Variants in ANKFN1 observed in about 807,000 individuals in gnomAD.
The protein encoded by ANKFN1 is ankyrin repeat and fibronectin type-III domain-containing protein 1.
A neutral mutation model predicts 108.7 loss-of-function variants in ANKFN1; 74 were observed. The ratio of observed to expected loss-of-function variants is 0.68; its 90% CI spans 0.56 to 0.83. The LOEUF (loss-of-function observed/expected upper bound fraction) is 0.83, where lower values mean the gene tolerates loss of function less well. ANKFN1 is among the 40% of genes least tolerant of loss of function. ANKFN1 has a pLI of 0.00. For synonymous variants in ANKFN1, 547 were observed against 516.2 expected (o/e 1.06, Z -0.81); for missense variants, 1,505 against 1,382.3 (o/e 1.09, Z -1.41).
intron 3 of ANKFN1, among the ~76,000 whole-genome samples, chr17:56,256,035 T>C (rs1158755095): frequency 6.6e-6 from 1 of 152,046 alleles, no homozygotes; most frequent in Non-Finnish European, 1.5e-5. Flanking sequence ...ATAAATAAAA[T>C]ATAGAGATAG....
chr17:56,414,073 G>A (rs1419246159), intron 8 of ANKFN1, among the ~76,000 whole-genome samples: 1 of 152,208 alleles, frequency 6.6e-6, no homozygotes, highest in African/African-American at 2.4e-5. Context: ...TTGATGTGCT[G>A]CTGGATTCCA....
chr17:56,237,611 T>G (rs528674041), intron 3 of ANKFN1, among the ~76,000 whole-genome samples: 79 of 152,316 alleles, frequency 5.2e-4, no homozygotes, highest in Non-Finnish European at 1.0e-3. Context: ...TTTATTTCTC[T>G]GGGGTCAGTG....
chr17:56,197,477 T>C (rs1382708158), intron 1 of ANKFN1, among the ~76,000 whole-genome samples: 1 of 152,196 alleles, frequency 6.6e-6, no homozygotes, highest in Non-Finnish European at 1.5e-5. Flanking sequence ...GTGTCCCTAG[T>C]GTATTCCTTT....
chr17:56,291,225 C>A (rs1178763952), intron 3 of ANKFN1, among the ~76,000 whole-genome samples: 1 of 152,164 alleles, frequency 6.6e-6, no homozygotes, highest in African/African-American at 2.4e-5. Flanking sequence ...GATTCTAGGA[C>A]TATGTCTCTT....
At chr17:56,305,761 G>A (rs1181798803) in intron 3 of ANKFN1, among the ~76,000 whole-genome samples, 1 of 152,102 alleles carries the variant, frequency 6.6e-6, no homozygotes, top group Non-Finnish European at 1.5e-5. Flanking sequence ...TCTACAAGTG[G>A]TATCATTTTA....
chr17:56,433,068 T>A (rs2048812702), intron 8 of ANKFN1, among the ~76,000 whole-genome samples: 1 of 152,176 alleles, frequency 6.6e-6, no homozygotes, highest in African/African-American at 2.4e-5. Flanking sequence ...TGCATATAAG[T>A]CTATTGTAAA....
intron 3 of ANKFN1, among the ~76,000 whole-genome samples, chr17:56,300,097 T>C (rs1187460800): frequency 2.6e-5 from 4 of 152,244 alleles, no homozygotes; most frequent in Non-Finnish European, 5.9e-5. Flanking sequence ...CTCCGTGTTT[T>C]CACCCATGAA....
At chr17:56,392,935 T>C (rs2047480929) in intron 8 of ANKFN1, among the ~76,000 whole-genome samples, 1 of 152,162 alleles carries the variant, frequency 6.6e-6, no homozygotes, top group Admixed American at 6.5e-5. Context: ...TCCACTGATT[T>C]TAGCTCTGAC....
intron 3 of ANKFN1, among the ~76,000 whole-genome samples, chr17:56,240,470 AT>A (rs944823404): frequency 2.6e-5 from 4 of 152,080 alleles, no homozygotes; most frequent in African/African-American, 9.7e-5. Flanking sequence ...GTTGTTGCCA[AT>A]TTTTGCTATA....
At chr17:56,089,359 G>A (rs73325643) in intron 4 of ANKFN1, among the ~76,000 whole-genome samples, 21,016 of 151,078 alleles carry the variant, frequency 0.14, 4,249 homozygotes, top group African/African-American at 0.43. Context: ...ATAATACTGC[G>A]ATAAATACAC....
At chr17:56,102,324 A>C (rs755518341) in intron 4 of ANKFN1, among the ~76,000 whole-genome samples, 33 of 152,152 alleles carry the variant, frequency 2.2e-4, no homozygotes, top group Admixed American at 9.2e-4. Context: ...ATAATTGTCT[A>C]TACTAGACTA....
At chr17:56,436,976 A>G (rs2048951300) in intron 8 of ANKFN1, among the ~76,000 whole-genome samples, 1 of 152,220 alleles carries the variant, frequency 6.6e-6, no homozygotes, top group African/African-American at 2.4e-5. Context: ...CACCAACCCA[A>G]GGAAATACAC....
At chr17:56,485,042 G>A (rs1301925919) in intron 18 of ANKFN1, among the ~76,000 whole-genome samples, 1 of 152,100 alleles carries the variant, frequency 6.6e-6, no homozygotes, top group African/African-American at 2.4e-5. Flanking sequence ...CTATAATTTG[G>A]TGAAGTCTGT....
chr17:56,503,203 G>T (rs2051433309), intron 20 of ANKFN1, among the ~76,000 whole-genome samples: 1 of 151,926 alleles, frequency 6.6e-6, no homozygotes, highest in Non-Finnish European at 1.5e-5. Context: ...GGGGAGGGGG[G>T]TGTTGTTTCC....
At chr17:56,452,547 G>A (rs2049525312) in intron 11 of ANKFN1, among the ~76,000 whole-genome samples, 1 of 152,118 alleles carries the variant, frequency 6.6e-6, no homozygotes, top group African/African-American at 2.4e-5. Context: ...AGCAACCATA[G>A]GAGAGGGAAA....
intron 18 of ANKFN1, among the ~76,000 whole-genome samples, chr17:56,484,350 C>T (rs945687666): frequency 3.4e-5 from 5 of 145,304 alleles, no homozygotes; most frequent in East Asian, 2.0e-4. Context: ...AGGGTAGGAA[C>T]GAAAATAAGA....
At position 56,457,273 on chromosome 17, in the gene ANKFN1, G is replaced by A. The variant is rs10852985; in HGVS notation, c.1324G>A (p.Val442Ile). The change falls in exon 13 of 21, where the codon GTT becomes ATT. Residue 442 changes from valine to isoleucine, a missense_variant. Transcript: ENST00000682825. ...KTLKRGLYIA[V>I]IFYYKDNILV... ...TCTTTTTAGGGGACTCTACATAGCC[G>A]TTATATTTTATTACAAAGACAATAT... 0.73 allele frequency: 1,151,334 copies of A among 1,585,174 alleles called. 420,701 individuals are homozygous for A. Among genetic ancestry groups the A allele is most frequent in the East Asian group, 0.95 (42,661 of 44,702 alleles).
intron 2 of ANKFN1, 33 bp from the exon 3 acceptor site, chr17:56,227,884 T>C: frequency 6.3e-7 from 1 of 1,582,924 alleles, no homozygotes; most frequent in South Asian, 1.2e-5. Flanking sequence ...CTGTACAATT[T>C]TTTAACATTC....
intron 1 of ANKFN1, among the ~76,000 whole-genome samples, chr17:56,191,956 C>A (rs993571937): frequency 6.6e-6 from 1 of 151,842 alleles, no homozygotes. Context: ...CGCTTCATTT[C>A]ATTCATTTCA....
Sources: gnomAD v4.1 joint callset for allele counts (sites outside exome capture counted in the v4.1 genomes callset) on GRCh38, gnomAD v4.1.1 for gene constraint, MANE v1.5 for transcripts, NCBI Gene and HGNC (gene_info 2026-07-23, HGNC 2026-07-21) for gene names.